DCHS2: variants seen among roughly 807,000 people sequenced by gnomAD.
The protein encoded by DCHS2 is dachsous cadherin-related 2.
Under a neutral mutation model 182.4 loss-of-function variants are expected in DCHS2, and 142 were observed. That is an observed-to-expected ratio of 0.78 (90% confidence interval 0.68 to 0.89). The LOEUF is 0.89. Among genes scored for constraint, DCHS2 ranks in the 40% least tolerant of loss-of-function variants. DCHS2 has a pLI of 0.00. For missense variants in DCHS2, 4,319 were observed against 4,198.6 expected (o/e 1.03, Z -0.79); for synonymous variants, 1,740 against 1,663.3 (o/e 1.05, Z -1.12).
intron 16 of DCHS2, among the ~76,000 whole-genome samples, chr4:154,248,214 A>C (rs2111127917): frequency 6.6e-6 from 1 of 152,364 alleles, no homozygotes; most frequent in Non-Finnish European, 1.5e-5. Flanking sequence ...ATATGATTTG[A>C]CTATGAAGTA....
At chr4:154,396,995 A>G (rs1439464051) in intron 1 of DCHS2, among the ~76,000 whole-genome samples, 1 of 152,242 alleles carries the variant, frequency 6.6e-6, no homozygotes, top group Non-Finnish European at 1.5e-5. Flanking sequence ...TAGGAATAAT[A>G]GCCTAAGACA....
intron 1 of DCHS2, among the ~76,000 whole-genome samples, chr4:154,381,700 T>C (rs1167057205): frequency 6.6e-6 from 1 of 151,808 alleles, no homozygotes; most frequent in African/African-American, 2.4e-5. Context: ...CACCAAAAAA[T>C]AAAATACCTA....
intron 7 of DCHS2, chr4:154,323,159 T>G (rs1736142461): frequency 6.6e-7 from 1 of 1,514,092 alleles, no homozygotes; most frequent in South Asian, 1.3e-5. Flanking sequence ...CTGTTGCATC[T>G]CCAACGTGTA....
chr4:154,316,526 T>C lies in DCHS2; in HGVS notation c.5021-539A>G, dbSNP rs146995448. On this transcript the variant is annotated intron_variant, in intron 9 of 19. Coordinates refer to ENST00000357232, the MANE Select transcript of DCHS2 (RefSeq NM_001358235.2). ...GGCTGGGTGTGGCGGCTTACACTTGTAATCCCAGCACTTTGGGAGGCCAAG... is the reference window on the plus strand; with the variant it reads ...GGCTGGGTGTGGCGGCTTACACTTGCAATCCCAGCACTTTGGGAGGCCAAG... Among the ~76,000 whole-genome samples, 313 of 152,296 alleles carry C rather than the reference T, an allele frequency of 2.1e-3. 3 individuals carry two copies. The East Asian group carries it at 0.033, about 16-fold the overall frequency.
At chr4:154,323,072 C>A in intron 7 of DCHS2, 1 of 889,952 alleles carries the variant, frequency 1.1e-6, no homozygotes, top group East Asian at 2.7e-5. Context: ...TGCCACCCAT[C>A]TCTCTATTTG....
At chr4:154,402,927 G>A (rs907601780) in intron 1 of DCHS2, among the ~76,000 whole-genome samples, 6 of 152,056 alleles carry the variant, frequency 3.9e-5, no homozygotes, top group African/African-American at 1.4e-4. Flanking sequence ...TTAGTTATCT[G>A]ATTTTTGATA....
chr4:154,432,190 A>T (rs1481178082), intron 1 of DCHS2, among the ~76,000 whole-genome samples: 3 of 152,232 alleles, frequency 2.0e-5, no homozygotes. Flanking sequence ...TATTTTGTCT[A>T]AAGAGCAACT....
intron 18 of DCHS2, among the ~76,000 whole-genome samples, chr4:154,239,736 T>G (rs1431783919): frequency 1.3e-5 from 2 of 152,186 alleles, no homozygotes; most frequent in African/African-American, 4.8e-5. Flanking sequence ...CTTGAACTCC[T>G]GATCTCAGGT....
intron 7 of DCHS2, among the ~76,000 whole-genome samples, chr4:154,325,476 C>T (rs1364688412): frequency 2.0e-5 from 3 of 151,920 alleles, no homozygotes; most frequent in Admixed American, 2.0e-4. Context: ...GACCTCATAG[C>T]CAGAGAAAGA....
rs1248316692 is a variant in DCHS2, at chr4:154,237,015, G to T, written c.7637C>A (p.Ala2546Asp). Residue 2546 changes from alanine (A) to aspartate (D), a missense_variant, in exon 20 of 20, where the codon GCC (alanine) becomes GAC (aspartate). Physicochemically the swap from Ala to Asp is moderately radical, Grantham distance 126 (BLOSUM62 -2). Transcript: ENST00000357232. The part of the protein sequence containing the change: ...EIGIEDMNNY[A>D]PEFTVKSYNL... ...ATAGGATTTGACTGTGAATTCAGGG[G>T]CATAATTGTTCATATCTTCTATTCC... 6.8e-6 allele frequency: 11 copies of T among 1,613,940 alleles called. No individual in the cohort carries two copies. The South Asian group carries it at 1.1e-4, about 16-fold the overall frequency.
chr4:154,405,712 G>C (rs1732372291), intron 1 of DCHS2, among the ~76,000 whole-genome samples: 1 of 152,024 alleles, frequency 6.6e-6, no homozygotes, highest in South Asian at 2.1e-4. Context: ...TTAGAAACAT[G>C]CTGTCCTTTA....
Position 154,452,749 on chromosome 4 carries a change from A to G in DCHS2, c.2052+36555T>C, listed in dbSNP as rs576080820. 9.8e-5 allele frequency among the ~76,000 whole-genome samples: 15 copies of G among 152,336 alleles called. 1 individual carries two copies. The South Asian group carries it at 1.9e-3, about 19-fold the overall frequency. On this transcript the variant is annotated intron_variant, in intron 1 of 19. Coordinates refer to ENST00000357232, the MANE Select transcript of DCHS2 (RefSeq NM_001358235.2). ...CCTAAATTTTTTTTCTGAAACTAAG[A>G]AGGATCTACATAAGTGTTCCAGGAA...
At chr4:154,302,949 ACACACACACACACACACACC>A (rs1357051309) in intron 12 of DCHS2, among the ~76,000 whole-genome samples, 46 of 64,694 alleles carry the variant, frequency 7.1e-4, no homozygotes, top group African/African-American at 4.1e-3. Flanking sequence ...ACACACACAC[ACACACACACACACACACACC>A]CACACACACA....
intron 4 of DCHS2, chr4:154,334,008 G>A (rs570135430): frequency 3.8e-4 from 58 of 153,578 alleles, no homozygotes; most frequent in Non-Finnish European, 7.4e-4. Flanking sequence ...TTTTTTTGGT[G>A]TACGAAAAGA....
At chr4:154,373,781 G>T in intron 2 of DCHS2, 1 of 678,826 alleles carries the variant, frequency 1.5e-6, no homozygotes, top group South Asian at 2.0e-5. Flanking sequence ...GGGCAAGAGG[G>T]CAAGAAGGAG....
At chr4:154,309,868 A>G (rs536205857) in intron 10 of DCHS2, among the ~76,000 whole-genome samples, 1 of 152,348 alleles carries the variant, frequency 6.6e-6, no homozygotes, top group South Asian at 2.1e-4. Context: ...CTTTGACCAC[A>G]TAATAGTAAA....
chr4:154,394,719 T>C (rs993578334), intron 1 of DCHS2, among the ~76,000 whole-genome samples: 3 of 152,104 alleles, frequency 2.0e-5, no homozygotes, highest in African/African-American at 7.2e-5. Context: ...AAGTTGCTGT[T>C]TGGTGCTATA....
rs149078256 is a variant in DCHS2 at position 154,367,643 on chromosome 4, C to T, written c.2245-1202G>A. Among the ~76,000 whole-genome samples the T allele has an allele frequency of 2.0e-4, 30 of 152,296 alleles. No homozygotes were observed. In the South Asian group the frequency reaches 5.8e-3, roughly 29 times the overall value. ...TGTTTCTATCTGGTACATTTTGACACTTTCATCTTTGACAAAAATCCTTGG... is the reference window on the plus strand; with the variant it reads ...TGTTTCTATCTGGTACATTTTGACATTTTCATCTTTGACAAAAATCCTTGG... On this transcript the variant is annotated intron_variant, in intron 2 of 19. Coordinates refer to ENST00000357232, the MANE Select transcript of DCHS2 (RefSeq NM_001358235.2).
chr4:154,316,052 C>A, intron 9 of DCHS2, 65 bp from the exon 10 acceptor site: 1 of 1,584,214 alleles, frequency 6.3e-7, no homozygotes, highest in Non-Finnish European at 8.6e-7. Flanking sequence ...ATGCTTACTC[C>A]ACTTATATCT....
Sources: gnomAD v4.1 joint callset for allele counts (sites outside exome capture counted in the v4.1 genomes callset) on GRCh38, gnomAD v4.1.1 for gene constraint, MANE v1.5 for transcripts, NCBI Gene and HGNC (gene_info 2026-07-23, HGNC 2026-07-21) for gene names.